The following MAPK10 variants were observed in gnomAD, a reference collection of about 807,000 sequenced individuals.
The protein encoded by MAPK10 is JNK3 alpha protein kinase.
In MAPK10, 25 loss-of-function variants were observed where a neutral mutation model predicts 59.3. The ratio of observed to expected loss-of-function variants is 0.42; its 90% CI spans 0.31 to 0.59. MAPK10 has a LOEUF of 0.59. Ranked by LOEUF, MAPK10 falls within the 20% of genes least tolerant of loss-of-function variation. The pLI, the probability that MAPK10 is intolerant of heterozygous loss-of-function variation, is 0.15. For synonymous variants in MAPK10, 190 were observed against 200.5 expected (o/e 0.95, Z 0.44); for missense variants, 351 against 568.9 (o/e 0.62, Z 3.90).
chr4:86,263,881 C>T (rs1158849473), intron 2 of MAPK10, among the ~76,000 whole-genome samples: 1 of 152,144 alleles, frequency 6.6e-6, no homozygotes, highest in East Asian at 1.9e-4. Flanking sequence ...GTAACCCAAA[C>T]ACATTCCAAC....
intron 1 of MAPK10, among the ~76,000 whole-genome samples, chr4:86,542,963 T>C (rs970447620): frequency 6.6e-6 from 1 of 152,170 alleles, no homozygotes; most frequent in African/African-American, 2.4e-5. Context: ...AATACCATCA[T>C]GCTGGGGGGC....
intron 1 of MAPK10, among the ~76,000 whole-genome samples, chr4:86,547,562 G>T (rs937886512): frequency 6.6e-6 from 1 of 152,158 alleles, no homozygotes; most frequent in Non-Finnish European, 1.5e-5. Flanking sequence ...CTCCTGTGCC[G>T]CGGAGCCTCC....
rs115146149 is a variant in MAPK10 at position 86,311,312 on chromosome 4, C to T, written c.-7+43218G>A. ...TTATTCATTAGTTTTATAGATAATC[C>T]AAGGTAAATCTTTACCTCTTTTATG... On this transcript the variant is annotated intron_variant, in intron 2 of 13. Transcript: ENST00000641462. Among the ~76,000 whole-genome samples the T allele has an allele frequency of 1.0e-2, 1,517 of 152,080 alleles. 14 individuals carry two copies. Among genetic ancestry groups the T allele is most frequent in the African/African-American group, 0.027 (1,119 of 41,494 alleles).
intron 2 of MAPK10, among the ~76,000 whole-genome samples, chr4:86,254,494 A>G (rs1192690306): frequency 9.1e-6 from 1 of 110,086 alleles, no homozygotes; most frequent in Non-Finnish European, 1.7e-5. Context: ...TTTGAGTGAG[A>G]TTCTTAATCC....
chr4:86,444,892 T>C (rs1749850806), intron 1 of MAPK10, among the ~76,000 whole-genome samples: 2 of 152,178 alleles, frequency 1.3e-5, no homozygotes, highest in South Asian at 4.1e-4. Flanking sequence ...CCAGTCAGAA[T>C]GGCTACTATT....
intron 2 of MAPK10, among the ~76,000 whole-genome samples, chr4:86,214,980 C>T (rs112866301): frequency 0.017 from 2,616 of 152,124 alleles, 97 homozygotes; most frequent in African/African-American, 0.059. Context: ...AAGAACAAAA[C>T]GGAAGGACCC....
At chr4:86,412,394 C>T (rs1745301934) in intron 1 of MAPK10, among the ~76,000 whole-genome samples, 1 of 152,120 alleles carries the variant, frequency 6.6e-6, no homozygotes, top group South Asian at 2.1e-4. Context: ...TTGCTCTTCT[C>T]AAGGAACATC....
intron 2 of MAPK10, among the ~76,000 whole-genome samples, chr4:86,209,037 G>T (rs906397456): frequency 2.0e-5 from 3 of 151,992 alleles, no homozygotes; most frequent in African/African-American, 7.2e-5. Flanking sequence ...AAGGTTGAAG[G>T]TATGTGAACT....
chr4:86,096,593 TGA>T (rs1274370504), intron 9 of MAPK10, among the ~76,000 whole-genome samples: 1 of 151,966 alleles, frequency 6.6e-6, no homozygotes, highest in African/African-American at 2.4e-5. Flanking sequence ...GACAAGTGCA[TGA>T]GAGAGATGTG....
At chr4:86,084,017 T>A (rs1330924582) in intron 9 of MAPK10, among the ~76,000 whole-genome samples, 1 of 152,112 alleles carries the variant, frequency 6.6e-6, no homozygotes, top group East Asian at 1.9e-4. Context: ...ACCTGCTAAC[T>A]GAAGAGTCCT....
chr4:86,496,761 T>A (rs1754900542), intron 1 of MAPK10, among the ~76,000 whole-genome samples: 1 of 152,162 alleles, frequency 6.6e-6, no homozygotes, highest in African/African-American at 2.4e-5. Flanking sequence ...GACAATTAAT[T>A]TTTTCTGGTG....
intron 1 of MAPK10, among the ~76,000 whole-genome samples, chr4:86,355,995 G>T (rs1290840409): frequency 1.3e-5 from 2 of 152,054 alleles, no homozygotes; most frequent in African/African-American, 4.8e-5. Flanking sequence ...TCACTAAGAT[G>T]AATTTCTAGA....
intron 2 of MAPK10, among the ~76,000 whole-genome samples, chr4:86,239,369 G>A (rs1202184761): frequency 2.0e-5 from 3 of 152,182 alleles, no homozygotes; most frequent in African/African-American, 4.8e-5. Context: ...CATAAAATGA[G>A]TTAGGGAAGA....
Position 86,189,412 on chromosome 4 carries a change from T to C in MAPK10, c.66+4924A>G, listed in dbSNP as rs554848936. On this transcript the variant is annotated intron_variant, in intron 3 of 13. Coordinates refer to ENST00000641462, the MANE Select transcript of MAPK10 (RefSeq NM_138982.4). ...TTTGTTTTTCCATTTATTTGTGTCC[T>C]CTCTTATTTCCTTCAGCCATGTTTT... is the stretch of plus-strand genomic sequence containing the variant. 1.5e-4 allele frequency among the ~76,000 whole-genome samples: 23 copies of C among 152,336 alleles called. No individual in the cohort carries two copies. The South Asian group carries it at 3.9e-3, about 26-fold the overall frequency.
intron 1 of MAPK10, among the ~76,000 whole-genome samples, chr4:86,494,628 G>A (rs552358227): frequency 6.6e-5 from 10 of 151,844 alleles, no homozygotes; most frequent in East Asian, 5.8e-4. Flanking sequence ...GGCGGATCAC[G>A]AGGTCAAGAG....
At chr4:86,298,980 T>A (rs899143935) in intron 2 of MAPK10, among the ~76,000 whole-genome samples, 1 of 152,186 alleles carries the variant, frequency 6.6e-6, no homozygotes. Context: ...TTGGTGCTAA[T>A]GTAACCTCTA....
At chr4:86,345,628 G>C (rs1012303660) in intron 2 of MAPK10, among the ~76,000 whole-genome samples, 1 of 152,100 alleles carries the variant, frequency 6.6e-6, no homozygotes, top group Non-Finnish European at 1.5e-5. Context: ...TAAAAATCTA[G>C]CTTCAAGGGC....
chr4:86,410,738 C>T (rs74342495), intron 1 of MAPK10, among the ~76,000 whole-genome samples: 5,959 of 152,156 alleles, frequency 0.039, 171 homozygotes, highest in Middle Eastern at 0.078. Flanking sequence ...TCTGTGGGAT[C>T]GGTGGTGATA....
intron 1 of MAPK10, among the ~76,000 whole-genome samples, chr4:86,429,171 C>A (rs992689573): frequency 1.3e-5 from 2 of 152,102 alleles, no homozygotes; most frequent in African/African-American, 4.8e-5. Context: ...CAATTGAACA[C>A]ATAATTACTA....
Sources: allele counts gnomAD v4.1 joint callset (sites outside exome capture counted in the v4.1 genomes callset), GRCh38; gene constraint gnomAD v4.1.1; transcripts MANE v1.5; gene names NCBI Gene and HGNC (gene_info 2026-07-23, HGNC 2026-07-21).